Variants in SP140 observed in about 807,000 individuals in gnomAD.
SP140 encodes SP140 nuclear body protein.
Under a neutral mutation model 125.0 loss-of-function variants are expected in SP140, and 81 were observed. The ratio of observed to expected loss-of-function variants is 0.65; its 90% CI spans 0.54 to 0.78. The LOEUF is 0.78. SP140 is among the 30% of genes least tolerant of loss of function. The pLI, the probability that SP140 is intolerant of heterozygous loss-of-function variation, is 0.00. For missense variants in SP140, 858 were observed against 1,037.0 expected (o/e 0.83, Z 2.37); for synonymous variants, 312 against 354.0 (o/e 0.88, Z 1.33).
chr2:230,232,031 T>C (rs1167343686), intron 1 of SP140, among the ~76,000 whole-genome samples: 1 of 152,124 alleles, frequency 6.6e-6, no homozygotes, highest in East Asian at 1.9e-4. Context: ...TTTTTAGAAG[T>C]GACAAGATGG....
At chr2:230,292,067 C>T (rs2057179401) in intron 19 of SP140, among the ~76,000 whole-genome samples, 2 of 152,296 alleles carry the variant, frequency 1.3e-5, no homozygotes, top group South Asian at 4.1e-4. Context: ...AATTTTTTAT[C>T]AGATAACATT....
rs1439214904 is a variant in SP140 at position 230,245,072 on chromosome 2, G to C, written c.656G>C (p.Gly219Ala). 8.1e-6 allele frequency: 13 copies of C among 1,608,454 alleles called. No individual in the cohort carries two copies. In the Admixed American group the frequency reaches 2.2e-4, roughly 27 times the overall value. ...DAEDAPSLLP[G>A]GGVSCKLAIQ... Reference sequence around the variant, plus strand: ...GAAGATGCACCCAGCCTACTACCAGGTGGGGGAGGTAATTATGATTTAAAT... The same window carrying C: ...GAAGATGCACCCAGCCTACTACCAGCTGGGGGAGGTAATTATGATTTAAAT... The change falls in exon 6 of 27, where the codon GGT (glycine) becomes GCT (alanine). Residue 219 changes from glycine to alanine, a missense_variant. By Grantham distance (60) the Gly-to-Ala change is moderately conservative. Around this residue, in one of 4 missense-constraint regions of SP140, gnomAD observed 791 missense variants for 869.5 expected, o/e 0.91. Transcript: ENST00000392045.
In SP140 at chr2:230,251,546, C is replaced by T. The variant is rs1428712527; in HGVS notation, c.1057+485C>T. 2.6e-5 allele frequency among the ~76,000 whole-genome samples: 4 copies of T among 152,096 alleles called. No individual in the cohort carries two copies. The East Asian group carries it at 7.7e-4, about 29-fold the overall frequency. ...TTTTTCTTCACTATCAATAGTATTA[C>T]TTGAATTTAAAATTCTATTCTCACT... On this transcript the variant is annotated intron_variant, in intron 10 of 26. Coordinates refer to ENST00000392045, the MANE Select transcript of SP140 (RefSeq NM_007237.5).
intron 18 of SP140, among the ~76,000 whole-genome samples, chr2:230,289,259 G>A (rs1227791425): frequency 6.6e-6 from 1 of 152,184 alleles, no homozygotes; most frequent in African/African-American, 2.4e-5. Context: ...CCAGATAAGT[G>A]TCTTCTTTTA....
intron 1 of SP140, 104 bp from the exon 2 acceptor site, chr2:230,236,979 A>C: frequency 2.6e-6 from 2 of 757,330 alleles, no homozygotes; most frequent in East Asian, 2.8e-5. Context: ...TATTTTATAC[A>C]TGTTGGCTCT....
At chr2:230,251,256 T>C (rs1467062334) in intron 10 of SP140, among the ~76,000 whole-genome samples, 195 bp downstream of exon 10, 3 of 152,222 alleles carry the variant, frequency 2.0e-5, no homozygotes, top group South Asian at 2.1e-4. Flanking sequence ...GAAGTCTGTG[T>C]TTAACGGAAT....
chr2:230,303,978 C>T (rs1438364923), intron 22 of SP140, among the ~76,000 whole-genome samples: 1 of 151,940 alleles, frequency 6.6e-6, no homozygotes, highest in East Asian at 1.9e-4. Flanking sequence ...TTGCTGGTCG[C>T]CAATATGATC....
chr2:230,189,564 A>C, the SP140 span, among the ~76,000 whole-genome samples: 4 of 152,090 alleles, frequency 2.6e-5, no homozygotes, highest in Admixed American at 1.3e-4. Context: ...ATATAATTTC[A>C]ATTTTTTTCT....
intron 1 of SP140, chr2:230,234,884 C>G (rs2047750801): frequency 6.6e-6 from 1 of 152,122 alleles, no homozygotes; most frequent in Non-Finnish European, 1.5e-5. Flanking sequence ...TGTATTTCCG[C>G]TAGGGTAATT....
chr2:230,303,792 C>A (rs185495899), intron 22 of SP140, among the ~76,000 whole-genome samples: 1 of 152,260 alleles, frequency 6.6e-6, no homozygotes, highest in Admixed American at 6.5e-5. Context: ...AAACCCATAG[C>A]CAACATAATA....
intron 1 of SP140, among the ~76,000 whole-genome samples, chr2:230,204,733 G>A (rs2043571113): frequency 6.6e-6 from 1 of 152,026 alleles, no homozygotes; most frequent in Admixed American, 6.6e-5. Context: ...GCCAGTGCTG[G>A]GTGCTGTAGA....
At chr2:230,243,862 G>A in intron 5 of SP140, 51 bp downstream of exon 5, 1 of 1,276,612 alleles carries the variant, frequency 7.8e-7, no homozygotes, top group Non-Finnish European at 1.1e-6. Context: ...TCAGGAGGTG[G>A]AATTCAGAGC....
chr2:230,215,040 A>G (rs1422166439), intron 3 of SP140: 1 of 1,613,776 alleles, frequency 6.2e-7, no homozygotes, highest in South Asian at 1.1e-5. Flanking sequence ...GACAGGTTAA[A>G]AGTCCTCTCC....
At chr2:230,192,812 T>C in the SP140 span, among the ~76,000 whole-genome samples, 1 of 152,342 alleles carries the variant, frequency 6.6e-6, no homozygotes, top group East Asian at 1.9e-4. Flanking sequence ...TCTTGGAGAA[T>C]GTTCCATGTG....
At chr2:230,235,056 CA>C (rs1287452893) in intron 1 of SP140, 1 of 152,198 alleles carries the variant, frequency 6.6e-6, no homozygotes, top group African/African-American at 2.4e-5. Context: ...CTTCACTGAG[CA>C]AATACCAAAT....
At chr2:230,239,173 A>C in intron 3 of SP140, 1 of 609,382 alleles carries the variant, frequency 1.6e-6, no homozygotes, top group South Asian at 3.4e-5. Context: ...ATTATGATAC[A>C]TCCAAGTCAG....
At position 230,250,936 on chromosome 2, in the gene SP140, G is replaced by GTT. The variant is rs774628024; in HGVS notation, c.977-42_977-41dup. On this transcript the variant is annotated intron_variant, in intron 9 of 26. Coordinates refer to ENST00000392045, the MANE Select transcript of SP140 (RefSeq NM_007237.5). ...CTTCAGCTTCCCACGTCTTCACTAA[G>GTT]TTTTCTCTTCATAATTTCTTGAGGG... The GTT allele has an allele frequency of 1.9e-6, 3 of 1,607,124 alleles. No individual in the cohort carries two copies. In the South Asian group the frequency reaches 3.3e-5, roughly 18 times the overall value.
Position 230,312,723 on chromosome 2 carries a change from C to A in SP140, c.*39C>A. Reference sequence around the variant, plus strand: ...TGCTGAAAGCATTCAGCAAATGGCACCCTAAAATATGCCGCTGGTTTGCCA... The same window carrying A: ...TGCTGAAAGCATTCAGCAAATGGCAACCTAAAATATGCCGCTGGTTTGCCA... On this transcript the variant is annotated 3_prime_UTR_variant, in exon 27 of 27. Coordinates refer to ENST00000392045, the MANE Select transcript of SP140 (RefSeq NM_007237.5). 1 of 1,460,960 alleles carries A rather than the reference C, an allele frequency of 6.8e-7. No individual in the cohort carries two copies. The highest frequency in any genetic ancestry group is 9.6e-7 in the Non-Finnish European group (1 of 1,043,334). 90.5% of individuals were successfully genotyped at this position (1,460,960 alleles called of 1,614,324 possible). A position where few individuals can be genotyped will look rare whatever the true frequency, so the allele number is the denominator to read the frequency against.
At chr2:230,315,041 G>A (rs1481682288), downstream of SP140, among the ~76,000 whole-genome samples, 1 of 152,226 alleles carries the variant, frequency 6.6e-6, no homozygotes, top group Non-Finnish European at 1.5e-5. Context: ...AGACAGACAT[G>A]CATGGATATG....
Sources: gnomAD v4.1 joint callset for allele counts (sites outside exome capture counted in the v4.1 genomes callset) on GRCh38, gnomAD v4.1.1 for gene constraint, gnomAD v4.1.1 regional missense constraint, MANE v1.5 for transcripts, NCBI Gene and HGNC (gene_info 2026-07-23, HGNC 2026-07-21) for gene names.